The following RNF213 variants were observed in gnomAD, a reference collection of about 807,000 sequenced individuals.
RNF213 encodes ring finger protein 213.
RNF213 carries 341 observed loss-of-function variants against 514.4 expected under a neutral mutation model. That is an observed-to-expected ratio of 0.66 (90% CI 0.61 to 0.73). The LOEUF is 0.73. Among genes scored for constraint, RNF213 ranks in the 30% least tolerant of loss-of-function variants. The probability of loss-of-function intolerance (pLI) is 0.00; values close to 1 mark genes in which losing one functional copy is unlikely to be tolerated. For missense variants in RNF213, 5,767 were observed against 6,615.6 expected (o/e 0.87, Z 4.45); for synonymous variants, 2,655 against 2,658.2 (o/e 1.00, Z 0.04).
intron 61 of RNF213, 123 bp from the exon 62 acceptor site, chr17:80,386,127 G>C (rs2080226065): frequency 2.2e-6 from 2 of 921,538 alleles, no homozygotes; most frequent in Non-Finnish European, 3.5e-6. Context: ...AGATGGGGCA[G>C]AACCGAGACC....
In RNF213 at chr17:80,355,414, C is replaced by T. The variant is rs117081212; in HGVS notation, c.10862+838C>T. On this transcript the variant is annotated intron_variant, in intron 36 of 67. Transcript: ENST00000582970. The stretch of plus-strand genomic sequence containing the variant: ...CGGGGTGAATGGGAATGGGGGCTCA[C>T]GGAGGAAGAAGCGGGGTGGATGGGA... 1,674 of 91,068 alleles carry T rather than the reference C, an allele frequency of 0.018. 14 individuals carry two copies. Among genetic ancestry groups the T allele is most frequent in the Non-Finnish European group, 0.024 (908 of 37,660 alleles). The allele number at this position is 91,068 out of a possible 1,614,324, so 5.6% of individuals were successfully genotyped here.
chr17:80,376,221 A>G, intron 51 of RNF213, 80 bp from the exon 52 acceptor site: 2 of 1,498,672 alleles, frequency 1.3e-6, no homozygotes, highest in South Asian at 2.3e-5. Context: ...TTTGATGTGT[A>G]TTTGGTGTCA....
chr17:80,381,642 G>A lies in RNF213; in HGVS notation c.13893G>A (p.Leu4631=), dbSNP rs1423699223. Residue 4631 remains leucine, a synonymous_variant, in exon 57 of 68, where the codon CTG becomes CTA. Coordinates refer to ENST00000582970, the MANE Select transcript of RNF213 (RefSeq NM_001256071.3). ...LKDLEQLAKM[L]GHSADETIGV... ...ACCTGGAGCAGTTGGCCAAGATGCTGGGACACAGTGCCGACGAGACCATCG... is the reference window on the plus strand; with the variant it reads ...ACCTGGAGCAGTTGGCCAAGATGCTAGGACACAGTGCCGACGAGACCATCG... 2.5e-6 allele frequency: 4 copies of A among 1,614,128 alleles called. No individual in the cohort carries two copies. The highest frequency in any genetic ancestry group is 2.2e-5 in the East Asian group (1 of 44,894).
intron 8 of RNF213, among the ~76,000 whole-genome samples, chr17:80,292,890 C>G (rs931820057): frequency 6.6e-6 from 1 of 152,122 alleles, no homozygotes; most frequent in African/African-American, 2.4e-5. Context: ...TCCCTGCCCC[C>G]TGGTGTCCGG....
chr17:80,387,937 C>G (rs958545092), intron 63 of RNF213, among the ~76,000 whole-genome samples: 1 of 150,568 alleles, frequency 6.6e-6, no homozygotes, highest in Admixed American at 6.6e-5. Context: ...GGGCCAGGAA[C>G]TGTGAGAGCC....
intron 3 of RNF213, among the ~76,000 whole-genome samples, chr17:80,286,488 T>C (rs1353861411): frequency 1.3e-5 from 2 of 152,086 alleles, no homozygotes; most frequent in East Asian, 3.9e-4. Flanking sequence ...CGTCATGCCC[T>C]GGGTGGGTGG....
chr17:80,361,849 T>A lies in RNF213; in HGVS notation c.11316T>A (p.Ile3772=), dbSNP rs752481085. ...ELLQCYLKDF[I]LLTMRVSTEE... Reference sequence around the variant, plus strand: ...TTCAGTGTTACTTGAAGGATTTCATTCTCTTGACCATGCGTGTGTCAACGG... The same window carrying A: ...TTCAGTGTTACTTGAAGGATTTCATACTCTTGACCATGCGTGTGTCAACGG... Residue 3772 remains isoleucine (I), a synonymous_variant, in exon 39 of 68, where the codon ATT becomes ATA. Transcript: ENST00000582970. The A allele has an allele frequency of 1.2e-6, 2 of 1,613,878 alleles. No individual in the cohort carries two copies. The highest frequency in any genetic ancestry group is 2.2e-5 in the South Asian group (2 of 91,062).
At chr17:80,331,823 A>AT (rs2143969761) in intron 20 of RNF213, among the ~76,000 whole-genome samples, 183 bp from the exon 21 acceptor site, 1 of 152,324 alleles carries the variant, frequency 6.6e-6, no homozygotes, top group South Asian at 2.1e-4. Context: ...TATCATGAAT[A>AT]TTGGTTAACA....
intron 19 of RNF213, 147 bp downstream of exon 19, chr17:80,328,136 G>C: frequency 8.6e-7 from 1 of 1,163,228 alleles, no homozygotes; most frequent in African/African-American, 1.5e-5. Context: ...AGTTGATAGG[G>C]GTGGTTTATA....
Position 80,363,661 on chromosome 17 carries a change from C to A in RNF213, c.11621C>A (p.Thr3874Asn). ...MACTEMLTRN[T>N]LKPSPQAWLQ... ...TGCACGGAGATGCTGACAAGAAACA[C>A]CCTGAAGCCCAGTCCCCAGGCGTGG... Residue 3874 changes from threonine (T) to asparagine (N), a missense_variant, in exon 41 of 68, where the codon ACC (threonine) becomes AAC (asparagine). By Grantham distance (65) the Thr-to-Asn change is moderately conservative. This residue lies in a region of RNF213 where 355 missense variants were observed against 358.0 expected (regional missense o/e 0.99). Coordinates refer to ENST00000582970, the MANE Select transcript of RNF213 (RefSeq NM_001256071.3). 6.2e-7 allele frequency: 1 copy of A among 1,614,144 alleles called. No homozygotes were observed. The highest frequency in any genetic ancestry group is 8.5e-7 in the Non-Finnish European group (1 of 1,180,032).
intron 55 of RNF213, among the ~76,000 whole-genome samples, chr17:80,379,965 T>C (rs566964339): frequency 3.9e-4 from 59 of 152,268 alleles, no homozygotes; most frequent in African/African-American, 1.2e-3. Context: ...TGAATACAGG[T>C]GTCTTCCTTT....
At position 80,377,814 on chromosome 17, in the gene RNF213, A is replaced by C. The variant is rs1450414003; in HGVS notation, c.13545+18A>C. Reference sequence around the variant, plus strand: ...TGGGAGAGGTGAGTCTTGGTATTTAAGATAGGGTTTGAGGGGTGGCGTGCA... The same window carrying C: ...TGGGAGAGGTGAGTCTTGGTATTTACGATAGGGTTTGAGGGGTGGCGTGCA... On this transcript the variant is annotated intron_variant, in intron 54 of 67. Coordinates refer to ENST00000582970, the MANE Select transcript of RNF213 (RefSeq NM_001256071.3). The surrounding 1 kb of genome is among the most constrained non-coding windows in gnomAD (Gnocchi z 4.1). 6.2e-7 allele frequency: 1 copy of C among 1,614,046 alleles called. No homozygotes were observed. Among genetic ancestry groups the C allele is most frequent in the Admixed American group, 1.7e-5 (1 of 60,014 alleles).
In RNF213 at chr17:80,383,637, C is replaced by T. The variant is rs753865026; in HGVS notation, c.14071-40C>T. On this transcript the variant is annotated intron_variant, in intron 58 of 67. Transcript: ENST00000582970. Reference sequence around the variant, plus strand: ...GTGTTACAATCTGTTTGTAGCAATACCTCACTTCCAGAATTTTTTTTTTCA... The same window carrying T: ...GTGTTACAATCTGTTTGTAGCAATATCTCACTTCCAGAATTTTTTTTTTCA... 34 of 1,610,952 alleles carry T rather than the reference C, an allele frequency of 2.1e-5. 1 individual carries two copies. The South Asian group carries it at 2.5e-4, about 12-fold the overall frequency.
chr17:80,345,664 T>C lies in RNF213; in HGVS notation c.7329T>C (p.Ala2443=). 1.2e-6 allele frequency: 2 copies of C among 1,614,214 alleles called. No homozygotes were observed. Among genetic ancestry groups the C allele is most frequent in the Non-Finnish European group, 1.7e-6 (2 of 1,180,046 alleles). Residue 2443 remains alanine, a synonymous_variant, in exon 29 of 68, where the codon GCT becomes GCC. Coordinates refer to ENST00000582970, the MANE Select transcript of RNF213 (RefSeq NM_001256071.3). This position sits in a 1 kb window ranked among gnomAD's most constrained non-coding sequence, Gnocchi z 6.0. ...ACCTGCGGCGTGGTGGTACCAATGC[T>C]GACACCATAAAGCTGGTCAAGGTGC... is the stretch of plus-strand genomic sequence containing the variant. ...LSDLRRGGTN[A]DTIKLVKVHG...
intron 36 of RNF213, among the ~76,000 whole-genome samples, chr17:80,357,766 G>T (rs1310502562): frequency 6.6e-6 from 1 of 152,184 alleles, no homozygotes; most frequent in Non-Finnish European, 1.5e-5. Flanking sequence ...GTGCCCAGGA[G>T]TTTGAGACCA....
In RNF213 at chr17:80,375,847, GCAAGCCTCCACCC is replaced by G; in HGVS notation, c.13165_13177del (p.Ser4389ArgfsTer8). On this transcript the variant is annotated frameshift_variant, in exon 51 of 68. Coordinates refer to ENST00000582970, the MANE Select transcript of RNF213 (RefSeq NM_001256071.3). LOFTEE classifies it high-confidence loss of function. ...GGCTATTTTGTACAGATCCCACAAT[GCAAGCCTCCACCC>G]CACGCCAGAGGTGAGTAACCGCCTG... 2 of 1,613,540 alleles carry G rather than the reference GCAAGCCTCCACCC, an allele frequency of 1.2e-6. No homozygotes were observed. The highest frequency in any genetic ancestry group is 1.7e-6 in the Non-Finnish European group (2 of 1,179,440).
At chr17:80,292,725 A>T (rs2044776960) in intron 8 of RNF213, among the ~76,000 whole-genome samples, 1 of 151,828 alleles carries the variant, frequency 6.6e-6, no homozygotes. Flanking sequence ...AGAGATCAAG[A>T]CTTGACTGTG....
chr17:80,276,896 CA>C lies in RNF213; in HGVS notation c.261+3503del, dbSNP rs202223629. 2.7e-3 allele frequency among the ~76,000 whole-genome samples: 390 copies of C among 144,486 alleles called. 10 individuals are homozygous for C. The East Asian group carries it at 0.044, about 16-fold the overall frequency. 94.8% of individuals were successfully genotyped at this position (144,486 alleles called of 152,430 possible). The stretch of plus-strand genomic sequence containing the variant: ...TGAAACCCCGTCTCTACTAAAAATA[CA>C]AAAAAAAAAATTAGCTGGGCGTGGT... On this transcript the variant is annotated intron_variant, in intron 3 of 67. Transcript: ENST00000582970.
chr17:80,353,542 A>G lies in RNF213; in HGVS notation c.10454A>G (p.His3485Arg), dbSNP rs2078612493. Reference sequence around the variant, plus strand: ...TTGGAACACCGGGCGGAAGACGGCCATGAGGAGGCGATGGAGACGGAGGCC... The same window carrying G: ...TTGGAACACCGGGCGGAAGACGGCCGTGAGGAGGCGATGGAGACGGAGGCC... Reference protein sequence around the residue: ...LGLEHRAEDGHEEAMETEAST... With the variant: ...LGLEHRAEDGREEAMETEAST... Residue 3485 changes from histidine (H) to arginine (R), a missense_variant, in exon 34 of 68, where the codon CAT becomes CGT. This residue lies in a region of RNF213 where 919 missense variants were observed against 1,121.0 expected (regional missense o/e 0.82). Transcript: ENST00000582970. This position sits in a 1 kb window ranked among gnomAD's most constrained non-coding sequence, Gnocchi z 5.0. 2 of 1,613,534 alleles carry G rather than the reference A, an allele frequency of 1.2e-6. No homozygotes were observed. The highest frequency in any genetic ancestry group is 8.5e-7 in the Non-Finnish European group (1 of 1,179,758).
Sources: allele counts gnomAD v4.1 joint callset (sites outside exome capture counted in the v4.1 genomes callset), GRCh38; gene constraint gnomAD v4.1.1; regional missense constraint gnomAD v4.1.1; non-coding constraint Gnocchi (gnomAD v3.1); transcripts MANE v1.5; gene names NCBI Gene and HGNC (gene_info 2026-07-23, HGNC 2026-07-21).